The following ATG5 variants were observed in gnomAD, a reference collection of about 807,000 sequenced individuals.
The protein encoded by ATG5 is autophagy related 5.
Under a neutral mutation model 36.5 loss-of-function variants are expected in ATG5, and 14 were observed. The observed-to-expected ratio is 0.38, with a 90% CI of 0.25 to 0.60. The LOEUF (loss-of-function observed/expected upper bound fraction) is 0.60, where lower values mean the gene tolerates loss of function less well. Among genes scored for constraint, ATG5 ranks in the 20% least tolerant of loss-of-function variants. The probability of loss-of-function intolerance (pLI) is 0.60; values close to 1 mark genes in which losing one functional copy is unlikely to be tolerated. For synonymous variants in ATG5, 95 were observed against 101.5 expected (o/e 0.94, Z 0.38); for missense variants, 195 against 326.7 (o/e 0.60, Z 3.11).
rs78515417 is a variant in ATG5, at chr6:106,285,599, C to A, written c.316-5776G>T. Among the ~76,000 whole-genome samples the A allele has an allele frequency of 1.1e-3, 173 of 152,262 alleles. 1 individual carries two copies. The highest frequency in any genetic ancestry group is 2.6e-3 in the Admixed American group (40 of 15,294). On this transcript the variant is annotated intron_variant, in intron 4 of 7. Transcript: ENST00000369076. ...AAGACTGGCAATAGAGATTGGCAAA[C>A]TTTCTGTAAAGGATTAGACAGTAAA...
chr6:106,311,782 G>A (rs1770653915), intron 2 of ATG5, among the ~76,000 whole-genome samples: 1 of 151,460 alleles, frequency 6.6e-6, no homozygotes, highest in African/African-American at 2.4e-5. Context: ...TGGAAAGAAG[G>A]GAAAACTAAA....
chr6:106,212,697 T>C (rs985381689), intron 6 of ATG5, among the ~76,000 whole-genome samples: 2 of 152,210 alleles, frequency 1.3e-5, no homozygotes, highest in African/African-American at 4.8e-5. Flanking sequence ...ACTAGGGCCA[T>C]CAAATCAGTA....
intron 6 of ATG5, among the ~76,000 whole-genome samples, chr6:106,233,907 T>G (rs907569011): frequency 7.2e-5 from 11 of 152,164 alleles, no homozygotes; most frequent in Non-Finnish European, 4.4e-5. Context: ...CCCAGAAATA[T>G]TGATGCCCCA....
chr6:106,248,019 GAC>G lies in ATG5; in HGVS notation c.573+129_573+130del, dbSNP rs546323498. 4,193 of 620,494 alleles carry G rather than the reference GAC, an allele frequency of 6.8e-3. 32 individuals carry two copies. The highest frequency in any genetic ancestry group is 0.016 in the Admixed American group (550 of 34,408). 38.4% of individuals were successfully genotyped at this position (620,494 alleles called of 1,614,324 possible). A position where few individuals can be genotyped will look rare whatever the true frequency, so the allele number is the denominator to read the frequency against. Reference sequence around the variant, plus strand: ...GTATCTGACTTGATTGCCACTGAAAGACACAGTTTGGAAAACCCCTAATAAAT... The same window carrying G: ...GTATCTGACTTGATTGCCACTGAAAGACAGTTTGGAAAACCCCTAATAAAT... On this transcript the variant is annotated intron_variant, in intron 6 of 7. Coordinates refer to ENST00000369076, the MANE Select transcript of ATG5 (RefSeq NM_004849.4).
intron 6 of ATG5, among the ~76,000 whole-genome samples, chr6:106,217,929 A>C (rs1381219743): frequency 6.6e-6 from 1 of 152,214 alleles, no homozygotes; most frequent in Non-Finnish European, 1.5e-5. Context: ...TTATATGCTT[A>C]TTTTCCACAA....
Position 106,247,376 on chromosome 6 carries a change from A to G in ATG5, c.573+774T>C, listed in dbSNP as rs550366388. On this transcript the variant is annotated intron_variant, in intron 6 of 7. Coordinates refer to ENST00000369076, the MANE Select transcript of ATG5 (RefSeq NM_004849.4). ...ATATTTATGCCAGCACTTTTAAAGT[A>G]CAGAAACATGGAGTTTCTTTACCTC... 4.6e-5 allele frequency among the ~76,000 whole-genome samples: 7 copies of G among 152,364 alleles called. No individual in the cohort carries two copies. In the South Asian group the frequency reaches 1.5e-3, roughly 32 times the overall value.
chr6:106,261,718 A>G (rs1200270905), intron 5 of ATG5, among the ~76,000 whole-genome samples: 1 of 152,212 alleles, frequency 6.6e-6, no homozygotes, highest in East Asian at 1.9e-4. Flanking sequence ...TTAGGGTGAT[A>G]ATGGTAGAGA....
intron 6 of ATG5, among the ~76,000 whole-genome samples, chr6:106,213,193 G>C (rs1420311877): frequency 6.6e-6 from 1 of 152,076 alleles, no homozygotes; most frequent in Non-Finnish European, 1.5e-5. Context: ...GCATTTACCA[G>C]GGTATCACTA....
intron 1 of ATG5, among the ~76,000 whole-genome samples, chr6:106,323,057 T>C (rs1451345469): frequency 6.6e-6 from 1 of 152,066 alleles, no homozygotes; most frequent in Non-Finnish European, 1.5e-5. Flanking sequence ...TGGCTGGGAC[T>C]ACAAGCGCTT....
At position 106,316,203 on chromosome 6, in the gene ATG5, T is replaced by C; in HGVS notation, c.6A>G (p.Thr2=). M[T]DDKDVLRDVW... ...CATCTCGAAGCACATCTTTGTCATC[T>C]GTCATTCTTCCAGGAGTTAAAGCAG... The change falls in exon 2 of 8, where the codon ACA becomes ACG. Residue 2 remains threonine, a synonymous_variant. Transcript: ENST00000369076. The C allele has an allele frequency of 6.2e-7, 1 of 1,613,388 alleles. No individual in the cohort carries two copies. Among genetic ancestry groups the C allele is most frequent in the Non-Finnish European group, 8.5e-7 (1 of 1,179,488 alleles).
chr6:106,239,266 A>G lies in ATG5; in HGVS notation c.573+8884T>C, dbSNP rs530382564. 2.0e-5 allele frequency among the ~76,000 whole-genome samples: 3 copies of G among 152,318 alleles called. No individual in the cohort carries two copies. In the East Asian group the frequency reaches 5.8e-4, roughly 29 times the overall value. ...AAAATAAAGAAAAACAAAATCTACA[A>G]AACACCTGGAAATAAAAAGAAAAAT... On this transcript the variant is annotated intron_variant, in intron 6 of 7. Transcript: ENST00000369076.
chr6:106,250,705 T>TC (rs1404949095), intron 5 of ATG5, among the ~76,000 whole-genome samples: 1 of 152,234 alleles, frequency 6.6e-6, no homozygotes, highest in East Asian at 1.9e-4. Context: ...TCATGAAATC[T>TC]CAAGCACCTA....
Position 106,192,159 on chromosome 6 carries a change from A to G in ATG5, c.692-5483T>C, listed in dbSNP as rs1353960748. ...TATATTCAAGTGGAGCACATCACCTATAAGTCAAATGAGCCCTAGTGTACT... is the reference window on the plus strand; with the variant it reads ...TATATTCAAGTGGAGCACATCACCTGTAAGTCAAATGAGCCCTAGTGTACT... On this transcript the variant is annotated intron_variant, in intron 7 of 7. Transcript: ENST00000369076. Among the ~76,000 whole-genome samples the G allele has an allele frequency of 5.3e-5, 8 of 152,258 alleles. 1 individual carries two copies. The highest frequency in any genetic ancestry group is 4.1e-4 in the South Asian group (2 of 4,834).
At chr6:106,266,005 T>C (rs546793608) in intron 5 of ATG5, among the ~76,000 whole-genome samples, 11 of 151,540 alleles carry the variant, frequency 7.3e-5, no homozygotes, top group Admixed American at 2.0e-4. Flanking sequence ...CAGAGCAGAA[T>C]TGAAGGAGAT....
intron 6 of ATG5, among the ~76,000 whole-genome samples, chr6:106,222,268 A>G (rs970437767): frequency 1.3e-5 from 2 of 152,160 alleles, no homozygotes; most frequent in African/African-American, 4.8e-5. Flanking sequence ...TTCACAATCT[A>G]TCTTTCAAAA....
intron 6 of ATG5, among the ~76,000 whole-genome samples, chr6:106,220,973 TA>T (rs1479706609): frequency 6.6e-6 from 1 of 152,168 alleles, no homozygotes; most frequent in African/African-American, 2.4e-5. Flanking sequence ...GTTGAAGAAA[TA>T]AACATTCTTT....
chr6:106,191,580 A>T (rs1448523304), intron 7 of ATG5, among the ~76,000 whole-genome samples: 1 of 152,170 alleles, frequency 6.6e-6, no homozygotes, highest in African/African-American at 2.4e-5. Context: ...GTGAACAAAG[A>T]ATTCTAATCT....
At chr6:106,264,906 A>C (rs1779169862) in intron 5 of ATG5, among the ~76,000 whole-genome samples, 1 of 152,126 alleles carries the variant, frequency 6.6e-6, no homozygotes, top group Admixed American at 6.5e-5. Context: ...AAATATAAAG[A>C]CCAACACTAT....
At chr6:106,265,668 G>A (rs1352052790) in intron 5 of ATG5, among the ~76,000 whole-genome samples, 1 of 152,176 alleles carries the variant, frequency 6.6e-6, no homozygotes, top group Non-Finnish European at 1.5e-5. Context: ...ACAGACCACA[G>A]TGCAATCAAA....
Sources: allele counts gnomAD v4.1 joint callset (sites outside exome capture counted in the v4.1 genomes callset), GRCh38; gene constraint gnomAD v4.1.1; transcripts MANE v1.5; gene names NCBI Gene and HGNC (gene_info 2026-07-23, HGNC 2026-07-21).